Variants in RNF144A observed in about 807,000 individuals in gnomAD.
RNF144A encodes E3 ubiquitin-protein ligase RNF144A.
RNF144A carries 11 observed loss-of-function variants against 38.7 expected under a neutral mutation model. The ratio of observed to expected loss-of-function variants is 0.28; its 90% CI spans 0.18 to 0.47. RNF144A has a LOEUF of 0.47. Among genes scored for constraint, RNF144A ranks in the 20% least tolerant of loss-of-function variants. RNF144A has a pLI of 0.99. For missense variants in RNF144A, 316 were observed against 377.2 expected (o/e 0.84, Z 1.34); for synonymous variants, 149 against 143.9 (o/e 1.04, Z -0.25).
chr2:7,048,264 C>A (rs567170305), downstream of RNF144A, among the ~76,000 whole-genome samples: 16 of 152,270 alleles, frequency 1.1e-4, no homozygotes, highest in African/African-American at 3.9e-4. Flanking sequence ...TACACAAGGA[C>A]CTTCCAGGGG....
rs145243863 is a variant in RNF144A at position 7,014,901 on chromosome 2, AACTTCTG to A, written c.301+131_301+137del. On this transcript the variant is annotated intron_variant, in intron 5 of 8. Coordinates refer to ENST00000320892, the MANE Select transcript of RNF144A (RefSeq NM_014746.6). Reference sequence around the variant, plus strand: ...GGAGTTAAAAAGTTGATGTAAAATAAACTTCTGAAATTAAACTGACATTCTGGATTCT... The same window carrying A: ...GGAGTTAAAAAGTTGATGTAAAATAAAAATTAAACTGACATTCTGGATTCT... 1,224 of 672,752 alleles carry A rather than the reference AACTTCTG, an allele frequency of 1.8e-3. 6 individuals carry two copies. The African/African-American group carries it at 0.019, about 10-fold the overall frequency. The allele number at this position is 672,752 out of a possible 1,614,324, so 41.7% of individuals were successfully genotyped here. A position where few individuals can be genotyped will look rare whatever the true frequency, so the allele number is the denominator to read the frequency against.
chr2:6,991,762 TCATA>T (rs1333001967), intron 2 of RNF144A, among the ~76,000 whole-genome samples: 1 of 152,278 alleles, frequency 6.6e-6, no homozygotes, highest in African/African-American at 2.4e-5. Flanking sequence ...TCTCTCTCTC[TCATA>T]CATACATATA....
In RNF144A at chr2:7,042,524, G is replaced by A. The variant is rs540699031; in HGVS notation, c.*2764G>A. On this transcript the variant is annotated 3_prime_UTR_variant, in exon 9 of 9. Coordinates refer to ENST00000320892, the MANE Select transcript of RNF144A (RefSeq NM_014746.6). ...CCATGGCTGCTGTACTGCCGCCCAG[G>A]GTGGGTGGCCAGTGAGGACTGGCCT... 10 of 985,516 alleles carry A rather than the reference G, an allele frequency of 1.0e-5. No individual in the cohort carries two copies. The highest frequency in any genetic ancestry group is 6.1e-5 in the Admixed American group (1 of 16,296). 61.0% of individuals were successfully genotyped at this position (985,516 alleles called of 1,614,324 possible). A position where few individuals can be genotyped will look rare whatever the true frequency, so the allele number is the denominator to read the frequency against.
At chr2:7,023,437 C>T (rs1338922180) in intron 6 of RNF144A, among the ~76,000 whole-genome samples, 3 of 152,074 alleles carry the variant, frequency 2.0e-5, no homozygotes, top group Non-Finnish European at 4.4e-5. Context: ...AAAAAGCTGC[C>T]CCGAGAAGGA....
downstream of RNF144A, among the ~76,000 whole-genome samples, chr2:7,046,783 A>AT (rs1391794584): frequency 6.6e-6 from 1 of 152,142 alleles, no homozygotes; most frequent in East Asian, 1.9e-4. Context: ...TGGAGTCAAT[A>AT]TTTTCATATT....
intron 8 of RNF144A, among the ~76,000 whole-genome samples, chr2:7,032,272 C>T (rs1672356175): frequency 6.7e-6 from 1 of 148,808 alleles, no homozygotes; most frequent in Non-Finnish European, 1.5e-5. Flanking sequence ...CTGGAATCCG[C>T]GCCCCTTGCA....
intron 2 of RNF144A, among the ~76,000 whole-genome samples, chr2:6,953,301 C>G (rs569780526): frequency 6.6e-6 from 1 of 151,932 alleles, no homozygotes; most frequent in South Asian, 2.1e-4. Flanking sequence ...TGGTGGCGGG[C>G]GCCTGTAATC....
chr2:6,928,813 C>T, intron 1 of RNF144A, among the ~76,000 whole-genome samples: 1 of 152,220 alleles, frequency 6.6e-6, no homozygotes, highest in East Asian at 1.9e-4. Context: ...TTCCTCCTCA[C>T]CTGCTTTTTC....
At chr2:6,974,942 G>T (rs898876794) in intron 2 of RNF144A, among the ~76,000 whole-genome samples, 1 of 152,100 alleles carries the variant, frequency 6.6e-6, no homozygotes, top group Admixed American at 6.5e-5. Flanking sequence ...GAATGAGTAG[G>T]CATGATTGCT....
intron 1 of RNF144A, among the ~76,000 whole-genome samples, chr2:6,927,586 G>A (rs1236560504): frequency 1.3e-5 from 2 of 152,230 alleles, no homozygotes; most frequent in Non-Finnish European, 2.9e-5. Flanking sequence ...GAGGGGAAGC[G>A]AGGACCTGAG....
rs528612407 is a variant in RNF144A at position 7,040,177 on chromosome 2, G to A, written c.*417G>A. On this transcript the variant is annotated 3_prime_UTR_variant, in exon 9 of 9. Coordinates refer to ENST00000320892, the MANE Select transcript of RNF144A (RefSeq NM_014746.6). ...CTTCAGACAGAATCTGATTATTCCA[G>A]CTTGAGAGAAGCACTCTGTTTATGA... 1 of 991,168 alleles carries A rather than the reference G, an allele frequency of 1.0e-6. No homozygotes were observed. The highest frequency in any genetic ancestry group is 1.2e-6 in the Non-Finnish European group (1 of 833,976). 61.4% of individuals were successfully genotyped at this position (991,168 alleles called of 1,614,324 possible).
downstream of RNF144A, among the ~76,000 whole-genome samples, chr2:7,048,440 A>G (rs1410372527): frequency 6.6e-6 from 1 of 152,220 alleles, no homozygotes; most frequent in Admixed American, 6.5e-5. Flanking sequence ...TAGAATCATT[A>G]AGAGTCTTGC....
chr2:6,994,245 C>T (rs150253581), intron 2 of RNF144A, among the ~76,000 whole-genome samples: 99 of 152,234 alleles, frequency 6.5e-4, no homozygotes, highest in African/African-American at 2.2e-3. Context: ...AGCTACTGCC[C>T]CCTTGAAACT....
intron 3 of RNF144A, among the ~76,000 whole-genome samples, chr2:7,006,111 A>C (rs1670426798): frequency 6.6e-6 from 1 of 151,914 alleles, no homozygotes. Flanking sequence ...CCCGGATCCC[A>C]ACAATCTCTG....
intron 3 of RNF144A, among the ~76,000 whole-genome samples, chr2:7,007,193 C>T (rs1439252837): frequency 6.6e-6 from 1 of 152,212 alleles, no homozygotes; most frequent in Non-Finnish European, 1.5e-5. Context: ...CTCAACCCTG[C>T]CCCAATGTCA....
At chr2:6,998,707 A>T (rs1669914305) in intron 3 of RNF144A, among the ~76,000 whole-genome samples, 1 of 152,220 alleles carries the variant, frequency 6.6e-6, no homozygotes, top group African/African-American at 2.4e-5. Flanking sequence ...GAAGGATAGG[A>T]GGGAGATTGA....
At chr2:7,065,124 G>A (rs1377145478) in intron 6 of RNF144A, among the ~76,000 whole-genome samples, 1 of 152,230 alleles carries the variant, frequency 6.6e-6, no homozygotes, top group East Asian at 1.9e-4. Context: ...TTTTCCACGT[G>A]TTGACTTATG....
chr2:7,028,927 G>A (rs1303215927), intron 7 of RNF144A, among the ~76,000 whole-genome samples: 1 of 152,170 alleles, frequency 6.6e-6, no homozygotes, highest in Admixed American at 6.5e-5. Flanking sequence ...GGATTTGATG[G>A]CCCTCCATTC....
chr2:7,057,062 A>G (rs1673769052), intron 6 of RNF144A, among the ~76,000 whole-genome samples: 1 of 152,144 alleles, frequency 6.6e-6, no homozygotes, highest in Non-Finnish European at 1.5e-5. Flanking sequence ...CTGCCCATAC[A>G]TCAACAGGAG....
Sources: gnomAD v4.1 joint callset for allele counts (sites outside exome capture counted in the v4.1 genomes callset) on GRCh38, gnomAD v4.1.1 for gene constraint, MANE v1.5 for transcripts, NCBI Gene and HGNC (gene_info 2026-07-23, HGNC 2026-07-21) for gene names.